The following ITPR2 variants were observed in gnomAD, a reference collection of about 807,000 sequenced individuals.
ITPR2 encodes the protein inositol 1,4,5-trisphosphate receptor type 2.
A neutral mutation model predicts 317.1 loss-of-function variants in ITPR2; 207 were observed. That is an observed-to-expected ratio of 0.65 (90% confidence interval 0.58 to 0.73). ITPR2 has a LOEUF of 0.73. Ranked by LOEUF, ITPR2 falls within the 30% of genes least tolerant of loss-of-function variation. ITPR2 has a pLI of 0.00. For synonymous variants in ITPR2, 1,156 were observed against 1,149.1 expected, an observed-to-expected ratio of 1.01 and a Z score of -0.12; for missense variants, 2,613 against 3,284.0, an observed-to-expected ratio of 0.80 and a Z score of 4.99.
intron 46 of ITPR2, among the ~76,000 whole-genome samples, chr12:26,442,268 G>T (rs1032960265): frequency 6.6e-6 from 1 of 152,010 alleles, no homozygotes. Context: ...TCCTGAAATC[G>T]CTCAGGCACC....
chr12:26,678,995 C>A (rs1900942), intron 13 of ITPR2, among the ~76,000 whole-genome samples: 16 of 152,144 alleles, frequency 1.1e-4, no homozygotes, highest in Admixed American at 1.0e-3. Flanking sequence ...CTGTGCATAT[C>A]TAAGAGTGTT....
intron 2 of ITPR2, among the ~76,000 whole-genome samples, chr12:26,785,915 AG>A (rs1339344252): frequency 5.5e-5 from 3 of 54,990 alleles, no homozygotes; most frequent in Non-Finnish European, 8.5e-5. Flanking sequence ...GGAAGTGAGG[AG>A]CCCCTCTGCC....
At chr12:26,703,280 C>T (rs1350758488) in intron 9 of ITPR2, among the ~76,000 whole-genome samples, 1 of 152,130 alleles carries the variant, frequency 6.6e-6, no homozygotes, top group African/African-American at 2.4e-5. Flanking sequence ...GAAACAATGG[C>T]AAAAGAGATC....
At chr12:26,539,693 A>G (rs1219937402) in intron 37 of ITPR2, among the ~76,000 whole-genome samples, 1 of 152,190 alleles carries the variant, frequency 6.6e-6, no homozygotes. Flanking sequence ...GCAAAAGACA[A>G]CAGCAGTCCC....
At chr12:26,340,095 C>G in intron 56 of ITPR2, 72 bp downstream of exon 56, 1 of 1,417,436 alleles carries the variant, frequency 7.1e-7, no homozygotes. Context: ...CTCCCTGGAC[C>G]CTCTGTCTCC....
intron 34 of ITPR2, among the ~76,000 whole-genome samples, chr12:26,569,523 C>A (rs1945099901): frequency 6.7e-6 from 1 of 149,344 alleles, no homozygotes; most frequent in African/African-American, 2.5e-5. Flanking sequence ...CCACTGCACT[C>A]CACCCTGGGC....
chr12:26,555,171 C>G (rs191685384), intron 36 of ITPR2, among the ~76,000 whole-genome samples: 108 of 152,288 alleles, frequency 7.1e-4, no homozygotes, highest in Middle Eastern at 3.4e-3. Context: ...TTTTTCTCAT[C>G]CCATACCTTG....
intron 25 of ITPR2, 82 bp downstream of exon 25, chr12:26,622,158 C>T: frequency 8.5e-6 from 11 of 1,296,482 alleles, no homozygotes; most frequent in Non-Finnish European, 1.2e-5. Flanking sequence ...GTCATTACCT[C>T]TGCAGCCATG....
chr12:26,556,563 TTTTTGTGTGTGTG>T (rs1431024453), intron 35 of ITPR2, among the ~76,000 whole-genome samples, 188 bp from the exon 36 acceptor site: 1 of 88,878 alleles, frequency 1.1e-5, no homozygotes, highest in East Asian at 2.3e-4. Context: ...TCTATTTTTT[TTTTTGTGTGTGTG>T]TGTGTGTGTG....
chr12:26,582,003 A>G (rs1041767334), intron 32 of ITPR2, among the ~76,000 whole-genome samples: 1 of 152,200 alleles, frequency 6.6e-6, no homozygotes, highest in African/African-American at 2.4e-5. Context: ...TCAGTGGATT[A>G]ATGAAAATAA....
At chr12:26,392,960 T>G (rs1939892627) in intron 54 of ITPR2, among the ~76,000 whole-genome samples, 1 of 152,234 alleles carries the variant, frequency 6.6e-6, no homozygotes, top group Non-Finnish European at 1.5e-5. Context: ...AGAGCTAATC[T>G]GTGTCTCTGC....
rs148792492 is a variant in ITPR2 at position 26,655,932 on chromosome 12, G to A, written c.2445-80C>T. 752 of 1,345,240 alleles carry A rather than the reference G, an allele frequency of 5.6e-4. 3 individuals carry two copies. In the African/African-American group the frequency reaches 9.6e-3, roughly 17 times the overall value. 83.3% of individuals were successfully genotyped at this position (1,345,240 alleles called of 1,614,324 possible). A position where few individuals can be genotyped will look rare whatever the true frequency, so the allele number is the denominator to read the frequency against. On this transcript the variant is annotated intron_variant, in intron 19 of 56. Transcript: ENST00000381340. ...ATAGGAAAACACACGTAGTTTCCTG[G>A]GTGCATAATCTTGGATAAATTAGTT...
chr12:26,583,959 G>A (rs1033259838), intron 32 of ITPR2, among the ~76,000 whole-genome samples: 1 of 152,048 alleles, frequency 6.6e-6, no homozygotes, highest in Non-Finnish European at 1.5e-5. Context: ...ATATTTGTCA[G>A]ACGTAATAAG....
intron 21 of ITPR2, chr12:26,649,180 T>G (rs1253586904): frequency 6.7e-6 from 1 of 150,330 alleles, no homozygotes; most frequent in African/African-American, 2.5e-5. Flanking sequence ...CCTGCCACAT[T>G]TGCATCTGTC....
intron 26 of ITPR2, among the ~76,000 whole-genome samples, chr12:26,607,311 C>G (rs57266547): frequency 0.016 from 2,374 of 151,176 alleles, 63 homozygotes; most frequent in African/African-American, 0.054. Context: ...TCAAAACATG[C>G]AAAAAAAAAT....
At chr12:26,763,571 G>A (rs768675523) in intron 2 of ITPR2, among the ~76,000 whole-genome samples, 3 of 152,070 alleles carry the variant, frequency 2.0e-5, no homozygotes, top group Non-Finnish European at 4.4e-5. Flanking sequence ...TAAGTTACTT[G>A]CAAGTGCTCT....
intron 55 of ITPR2, among the ~76,000 whole-genome samples, chr12:26,350,487 G>A (rs1046836650): frequency 1.3e-5 from 2 of 152,108 alleles, no homozygotes; most frequent in African/African-American, 4.8e-5. Flanking sequence ...ATTGCTTGAG[G>A]GCATTGAGAG....
At chr12:26,730,205 TG>T (rs1291510599) in intron 2 of ITPR2, among the ~76,000 whole-genome samples, 1 of 152,156 alleles carries the variant, frequency 6.6e-6, no homozygotes, top group African/African-American at 2.4e-5. Context: ...TTCATTACCA[TG>T]TAATATCTTT....
chr12:26,496,904 A>G (rs1565561508), intron 37 of ITPR2, among the ~76,000 whole-genome samples: 1 of 149,374 alleles, frequency 6.7e-6, no homozygotes. Flanking sequence ...AGATTGTGAC[A>G]CTGCACTCCA....
Sources: allele counts gnomAD v4.1 joint callset (sites outside exome capture counted in the v4.1 genomes callset), GRCh38; gene constraint gnomAD v4.1.1; transcripts MANE v1.5; gene names NCBI Gene and HGNC (gene_info 2026-07-23, HGNC 2026-07-21).